The following HCK variants were observed in gnomAD, a reference collection of about 807,000 sequenced individuals.
HCK encodes HCK proto-oncogene, Src family tyrosine kinase, also known as tyrosine-protein kinase HCK.
In HCK, 40 loss-of-function variants were observed where a neutral mutation model predicts 70.4. The ratio of observed to expected loss-of-function variants is 0.57; its 90% CI spans 0.44 to 0.74. The LOEUF (loss-of-function observed/expected upper bound fraction) is 0.74. Ranked by LOEUF, HCK falls within the 30% of genes least tolerant of loss-of-function variation. HCK has a pLI of 0.00. For missense variants in HCK, 568 were observed against 697.2 expected, an observed-to-expected ratio of 0.81 and a Z score of 2.09; for synonymous variants, 245 against 263.2, an observed-to-expected ratio of 0.93 and a Z score of 0.67.
At chr20:32,083,820 G>T in intron 6 of HCK, 74 bp from the exon 7 acceptor site, 1 of 1,546,518 alleles carries the variant, frequency 6.5e-7, no homozygotes, top group Non-Finnish European at 8.9e-7. Context: ...AGCCTTACAG[G>T]GTGTCAGAGT....
At chr20:32,081,882 TG>T (rs1420740576) in intron 6 of HCK, among the ~76,000 whole-genome samples, 1 of 152,224 alleles carries the variant, frequency 6.6e-6, no homozygotes, top group African/African-American at 2.4e-5. Context: ...AAAATGAGCC[TG>T]GTCCAGCTTT....
At chr20:32,098,793 C>T (rs2045991967) in intron 11 of HCK, among the ~76,000 whole-genome samples, 1 of 152,156 alleles carries the variant, frequency 6.6e-6, no homozygotes, top group Non-Finnish European at 1.5e-5. Flanking sequence ...CACACCATAC[C>T]CCAGGCCCCT....
At chr20:32,053,977 A>G (rs1456645143) in intron 1 of HCK, among the ~76,000 whole-genome samples, 4 of 151,396 alleles carry the variant, frequency 2.6e-5, no homozygotes, top group Middle Eastern at 3.4e-3. Context: ...GCCTTATCCC[A>G]TGGTTTTCTC....
chr20:32,099,281 A>C, intron 12 of HCK, 146 bp downstream of exon 12: 3 of 731,646 alleles, frequency 4.1e-6, no homozygotes, highest in East Asian at 2.9e-5. Flanking sequence ...AGGCACCTCC[A>C]TCCATCTAAT....
intron 5 of HCK, among the ~76,000 whole-genome samples, chr20:32,076,511 G>C (rs1482406611): frequency 6.6e-6 from 1 of 152,146 alleles, no homozygotes; most frequent in Non-Finnish European, 1.5e-5. Flanking sequence ...CATGGAGGAG[G>C]CGTGGCTGGC....
At chr20:32,098,758 C>T (rs1042574657) in intron 11 of HCK, among the ~76,000 whole-genome samples, 15 of 152,234 alleles carry the variant, frequency 9.9e-5, no homozygotes, top group African/African-American at 2.6e-4. Flanking sequence ...GCTGAATCAA[C>T]GAGGAGGATT....
chr20:32,101,038 T>A (rs2046026040), intron 12 of HCK, among the ~76,000 whole-genome samples: 1 of 152,120 alleles, frequency 6.6e-6, no homozygotes, highest in East Asian at 1.9e-4. Flanking sequence ...AGATGAAGGG[T>A]GCGTTCTCCA....
intron 1 of HCK, chr20:32,069,602 A>C (rs759549487): frequency 5.1e-5 from 22 of 428,392 alleles, no homozygotes; most frequent in Non-Finnish European, 7.4e-5. Flanking sequence ...GTACATTATA[A>C]ATCTGTGCTT....
At chr20:32,090,916 C>T (rs553129651) in intron 10 of HCK, among the ~76,000 whole-genome samples, 7 of 152,324 alleles carry the variant, frequency 4.6e-5, no homozygotes, top group African/African-American at 1.7e-4. Context: ...CCACTGGGAG[C>T]ACTGGGAGCC....
intron 1 of HCK, chr20:32,054,427 G>T: frequency 2.7e-6 from 1 of 377,044 alleles, no homozygotes; most frequent in South Asian, 1.8e-5. Flanking sequence ...AGTGAGCCGA[G>T]ATCGCGCCAT....
intron 2 of HCK, 162 bp downstream of exon 2, chr20:32,071,944 G>A (rs1266310655): frequency 8.4e-6 from 7 of 837,466 alleles, no homozygotes; most frequent in African/African-American, 3.5e-5. Flanking sequence ...GGGACGCAGC[G>A]CCAGCCAGCA....
intron 1 of HCK, among the ~76,000 whole-genome samples, chr20:32,056,796 G>T (rs958828865): frequency 6.6e-6 from 1 of 152,058 alleles, no homozygotes; most frequent in African/African-American, 2.4e-5. Flanking sequence ...GCCAGGGCTT[G>T]GACTTTAAAC....
In HCK at chr20:32,078,030, TG is replaced by T. The variant is rs201489491; in HGVS notation, c.429-1743del. Among the ~76,000 whole-genome samples the T allele has an allele frequency of 2.4e-3, 356 of 149,540 alleles. 1 individual carries two copies. Among genetic ancestry groups the T allele is most frequent in the African/African-American group, 7.8e-3 (314 of 40,324 alleles). The stretch of plus-strand genomic sequence containing the variant: ...TGTCAGGGAGACAGTTGGTTTTTTT[TG>T]TTTGTTTGTTTGTTTGTTTTTGAGA... On this transcript the variant is annotated intron_variant, in intron 5 of 12. Transcript: ENST00000375852.
intron 1 of HCK, among the ~76,000 whole-genome samples, chr20:32,055,702 T>G (rs2045260197): frequency 6.6e-6 from 1 of 152,224 alleles, no homozygotes; most frequent in African/African-American, 2.4e-5. Flanking sequence ...AACTATATGA[T>G]TTTTAAAGCG....
At chr20:32,052,916 T>C (rs1254696239) in intron 1 of HCK, among the ~76,000 whole-genome samples, 2 of 151,746 alleles carry the variant, frequency 1.3e-5, no homozygotes, top group Non-Finnish European at 1.5e-5. Flanking sequence ...GGCAGCCAGC[T>C]TGGGGAAGGG....
chr20:32,060,755 G>A (rs142086248), intron 1 of HCK, among the ~76,000 whole-genome samples: 17 of 152,100 alleles, frequency 1.1e-4, no homozygotes, highest in African/African-American at 4.1e-4. Context: ...AGTCCTTTGA[G>A]AAGCAGACTC....
chr20:32,075,074 G>A (rs548681421), intron 5 of HCK, among the ~76,000 whole-genome samples: 21 of 152,240 alleles, frequency 1.4e-4, no homozygotes, highest in Admixed American at 7.8e-4. Flanking sequence ...CTGCATCCTC[G>A]GCACAGGCTG....
chr20:32,078,281 G>A (rs553118264), intron 5 of HCK, among the ~76,000 whole-genome samples: 2 of 148,998 alleles, frequency 1.3e-5, no homozygotes, highest in Admixed American at 6.7e-5. Context: ...TCCTGACCTC[G>A]TGATCCACCC....
At chr20:32,090,817 T>TA (rs2045854810) in intron 10 of HCK, among the ~76,000 whole-genome samples, 2 of 152,338 alleles carry the variant, frequency 1.3e-5, no homozygotes, top group South Asian at 2.1e-4. Flanking sequence ...GCATCTGGGC[T>TA]TAGGAGTCAC....
Sources: allele counts gnomAD v4.1 joint callset (sites outside exome capture counted in the v4.1 genomes callset), GRCh38; gene constraint gnomAD v4.1.1; transcripts MANE v1.5; gene names NCBI Gene and HGNC (gene_info 2026-07-23, HGNC 2026-07-21).